The following PRKN variants were observed in gnomAD, a reference collection of about 807,000 sequenced individuals.
PRKN encodes the protein E3 ubiquitin-protein ligase parkin.
A neutral mutation model predicts 59.5 loss-of-function variants in PRKN; 56 were observed. That is an observed-to-expected ratio of 0.94 (90% confidence interval 0.76 to 1.18). The LOEUF is 1.18. PRKN is among the 50% of genes most tolerant of loss of function. PRKN has a pLI of 0.00. For synonymous variants in PRKN, 250 were observed against 222.1 expected (o/e 1.13, Z -1.12); for missense variants, 657 against 596.4 (o/e 1.10, Z -1.06).
intron 7 of PRKN, among the ~76,000 whole-genome samples, chr6:161,671,766 A>C (rs1784918208): frequency 6.6e-6 from 1 of 152,230 alleles, no homozygotes; most frequent in African/African-American, 2.4e-5. Flanking sequence ...GAGAAGAGAC[A>C]AAATGTAATG....
intron 7 of PRKN, among the ~76,000 whole-genome samples, chr6:161,733,561 T>C (rs961192119): frequency 6.6e-6 from 1 of 151,992 alleles, no homozygotes; most frequent in Non-Finnish European, 1.5e-5. Context: ...AGCTGATGCC[T>C]TATTCTCAAG....
intron 4 of PRKN, among the ~76,000 whole-genome samples, chr6:162,133,254 T>A (rs78400301): frequency 2.3e-3 from 354 of 152,194 alleles, no homozygotes; most frequent in Non-Finnish European, 4.2e-3. Flanking sequence ...AACAAGAGAA[T>A]AGAAGTGAGG....
chr6:162,012,357 T>TA (rs1782762775), intron 5 of PRKN, among the ~76,000 whole-genome samples: 1 of 151,910 alleles, frequency 6.6e-6, no homozygotes, highest in Non-Finnish European at 1.5e-5. Context: ...GAAAGTAAGT[T>TA]AAAAAAGAAA....
intron 1 of PRKN, among the ~76,000 whole-genome samples, chr6:162,511,489 A>AT (rs1187290949): frequency 1.3e-5 from 2 of 152,184 alleles, no homozygotes; most frequent in African/African-American, 4.8e-5. Flanking sequence ...TTTTCATGTG[A>AT]TTTAGACATT....
intron 6 of PRKN, among the ~76,000 whole-genome samples, chr6:161,963,830 C>G (rs748767246): frequency 6.6e-6 from 1 of 152,188 alleles, no homozygotes; most frequent in Non-Finnish European, 1.5e-5. Flanking sequence ...GTGCTGGCCA[C>G]GGTAGGGAGG....
intron 5 of PRKN, among the ~76,000 whole-genome samples, chr6:161,999,356 T>C (rs1426257528): frequency 6.6e-6 from 1 of 152,076 alleles, no homozygotes; most frequent in Non-Finnish European, 1.5e-5. Context: ...TGGACTTTAC[T>C]GGTGACTGTT....
chr6:162,443,994 A>G (rs1424644950), intron 1 of PRKN, among the ~76,000 whole-genome samples: 1 of 152,116 alleles, frequency 6.6e-6, no homozygotes, highest in Non-Finnish European at 1.5e-5. Flanking sequence ...CCTGGCCAAA[A>G]TGCTCCACTG....
chr6:162,637,194 T>C (rs999046129), intron 1 of PRKN, among the ~76,000 whole-genome samples: 2 of 151,190 alleles, frequency 1.3e-5, no homozygotes, highest in African/African-American at 4.9e-5. Flanking sequence ...GAGGCAGAGG[T>C]TGCAGTGGGC....
At chr6:162,454,748 C>A (rs533083994) in intron 1 of PRKN, among the ~76,000 whole-genome samples, 2 of 152,152 alleles carry the variant, frequency 1.3e-5, no homozygotes, top group African/African-American at 2.4e-5. Flanking sequence ...AGCTTCCCTT[C>A]GAAATCAACA....
At chr6:162,627,982 G>A (rs758874193) in intron 1 of PRKN, among the ~76,000 whole-genome samples, 4 of 152,234 alleles carry the variant, frequency 2.6e-5, no homozygotes, top group Admixed American at 2.6e-4. Context: ...TCGAGTGATA[G>A]AGCCAATGAA....
intron 1 of PRKN, among the ~76,000 whole-genome samples, chr6:162,471,606 T>C (rs981113649): frequency 6.6e-5 from 10 of 152,188 alleles, no homozygotes; most frequent in South Asian, 2.1e-4. Flanking sequence ...ACTAAACTAT[T>C]AGATATGTTT....
rs145567515 is a variant in PRKN, at chr6:161,774,251, T to C, written c.871+11521A>G. The stretch of plus-strand genomic sequence containing the variant: ...CAGGGAGAGGAAAGCTGAGAAGCCA[T>C]TCAATAAATGTTATGTTTCGCCCTC... On this transcript the variant is annotated intron_variant, in intron 7 of 11. Transcript: ENST00000366898. 6.6e-3 allele frequency among the ~76,000 whole-genome samples: 1,002 copies of C among 152,198 alleles called. 2 individuals are homozygous for C. Among genetic ancestry groups the C allele is most frequent in the Non-Finnish European group, 0.011 (726 of 68,000 alleles).
Position 161,480,384 on chromosome 6 carries a change from C to T in PRKN, c.1083+68470G>A, listed in dbSNP as rs948728129. Among the ~76,000 whole-genome samples, 3 of 152,054 alleles carry T rather than the reference C, an allele frequency of 2.0e-5. No individual in the cohort carries two copies. Among genetic ancestry groups the T allele is most frequent in the Non-Finnish European group, 2.9e-5 (2 of 68,004 alleles). ...TACAGGTCGCACACTCCAAGCTGGC[C>T]CTATTTTCCTATTCCACCATCACAA... On this transcript the variant is annotated intron_variant, in intron 9 of 11. Coordinates refer to ENST00000366898, the MANE Select transcript of PRKN (RefSeq NM_004562.3). This position sits in a 1 kb window ranked among gnomAD's most constrained non-coding sequence, Gnocchi z 4.1.
chr6:162,387,962 C>T (rs537002296), intron 2 of PRKN, among the ~76,000 whole-genome samples: 8 of 152,232 alleles, frequency 5.3e-5, no homozygotes, highest in African/African-American at 7.2e-5. Flanking sequence ...CAACAGTGAA[C>T]GTGACAGACA....
intron 1 of PRKN, among the ~76,000 whole-genome samples, chr6:162,673,377 G>C (rs1220215274): frequency 6.6e-6 from 1 of 152,148 alleles, no homozygotes; most frequent in African/African-American, 2.4e-5. Flanking sequence ...AAAAAAAACA[G>C]AAGCAGTTTA....
intron 2 of PRKN, among the ~76,000 whole-genome samples, chr6:162,331,872 C>T (rs926211778): frequency 2.6e-5 from 4 of 152,284 alleles, no homozygotes; most frequent in Non-Finnish European, 5.9e-5. Context: ...ATGTGTTCCC[C>T]TTGTAGCTTC....
chr6:161,848,154 T>C (rs755547130), intron 6 of PRKN, among the ~76,000 whole-genome samples: 1 of 152,244 alleles, frequency 6.6e-6, no homozygotes, highest in Non-Finnish European at 1.5e-5. Context: ...AGTCAAGATA[T>C]AACAGCATAT....
intron 1 of PRKN, among the ~76,000 whole-genome samples, chr6:162,535,198 G>A (rs1055343997): frequency 1.3e-5 from 2 of 152,092 alleles, no homozygotes; most frequent in African/African-American, 4.8e-5. Context: ...TCACTTGCTC[G>A]GTCTTTCTGC....
intron 6 of PRKN, among the ~76,000 whole-genome samples, chr6:161,954,084 C>T (rs973481686): frequency 6.6e-6 from 1 of 152,162 alleles, no homozygotes; most frequent in Non-Finnish European, 1.5e-5. Context: ...ACAGTTAGCA[C>T]GCACTAAGTT....
Sources: allele counts gnomAD v4.1 joint callset (sites outside exome capture counted in the v4.1 genomes callset), GRCh38; gene constraint gnomAD v4.1.1; non-coding constraint Gnocchi (gnomAD v3.1); transcripts MANE v1.5; gene names NCBI Gene and HGNC (gene_info 2026-07-23, HGNC 2026-07-21).